The following CCDC146 variants were observed in gnomAD, a reference collection of about 807,000 sequenced individuals.
CCDC146 encodes coiled-coil domain containing 146.
A neutral mutation model predicts 119.3 loss-of-function variants in CCDC146; 92 were observed. The ratio of observed to expected loss-of-function variants is 0.77; its 90% confidence interval spans 0.65 to 0.92. CCDC146 has a LOEUF of 0.92. Among genes scored for constraint, CCDC146 ranks in the 40% least tolerant of loss-of-function variants. The pLI, the probability that CCDC146 is intolerant of heterozygous loss-of-function variation, is 0.00. For missense variants in CCDC146, 1,000 were observed against 1,103.0 expected, an observed-to-expected ratio of 0.91 and a Z score of 1.32; for synonymous variants, 372 against 371.8, an observed-to-expected ratio of 1.00 and a Z score of -0.01.
chr7:77,229,883 C>CT lies in CCDC146; in HGVS notation c.157-7064_157-7063insT, dbSNP rs1297607091. Among the ~76,000 whole-genome samples, 522 of 152,228 alleles carry CT rather than the reference C, an allele frequency of 3.4e-3. 3 individuals carry two copies. The highest frequency in any genetic ancestry group is 0.012 in the African/African-American group (499 of 41,536). On this transcript the variant is annotated intron_variant, in intron 2 of 18. Coordinates refer to ENST00000285871, the MANE Select transcript of CCDC146 (RefSeq NM_020879.3). The stretch of plus-strand genomic sequence containing the variant: ...TAGTATATATACAGAGTTGTATAAT[C>CT]ATGGCATAATTGTAGAATATTTCCG...
chr7:77,267,828 A>G (rs1793436619), intron 9 of CCDC146, among the ~76,000 whole-genome samples: 1 of 152,056 alleles, frequency 6.6e-6, no homozygotes, highest in Non-Finnish European at 1.5e-5. Context: ...AATTATATAA[A>G]TCTCCTCTCA....
At chr7:77,252,765 A>G (rs1260256392) in intron 4 of CCDC146, among the ~76,000 whole-genome samples, 1 of 152,258 alleles carries the variant, frequency 6.6e-6, no homozygotes, top group African/African-American at 2.4e-5. Context: ...TCTCAGCAGA[A>G]GAACTCAATG....
chr7:77,228,146 CT>C (rs1420825967), intron 2 of CCDC146, among the ~76,000 whole-genome samples: 1 of 152,168 alleles, frequency 6.6e-6, no homozygotes, highest in Non-Finnish European at 1.5e-5. Context: ...GGCATTATTT[CT>C]AGACCATTAT....
chr7:77,165,394 ACATGAGCAG>A (rs1791324767), intron 1 of CCDC146, among the ~76,000 whole-genome samples: 1 of 152,032 alleles, frequency 6.6e-6, no homozygotes, highest in Admixed American at 6.5e-5. Context: ...TTGAACATTC[ACATGAGCAG>A]CACAGATAGG....
chr7:77,173,080 C>G (rs985121632), intron 2 of CCDC146, among the ~76,000 whole-genome samples: 1 of 151,982 alleles, frequency 6.6e-6, no homozygotes, highest in Non-Finnish European at 1.5e-5. Context: ...ACACCAGGGC[C>G]TGTTTGGGGG....
chr7:77,165,529 G>T (rs1221539415), intron 1 of CCDC146, among the ~76,000 whole-genome samples: 1 of 152,070 alleles, frequency 6.6e-6, no homozygotes, highest in Non-Finnish European at 1.5e-5. Context: ...GGGCAGTTTG[G>T]GGTATCACAG....
At chr7:77,148,007 G>T (rs1562815635) in intron 1 of CCDC146, among the ~76,000 whole-genome samples, 1 of 152,222 alleles carries the variant, frequency 6.6e-6, no homozygotes, top group African/African-American at 2.4e-5. Context: ...TGCCCCTAGA[G>T]GTGGAGCCTA....
At chr7:77,285,291 C>T (rs972720617) in intron 15 of CCDC146, among the ~76,000 whole-genome samples, 10 of 152,054 alleles carry the variant, frequency 6.6e-5, no homozygotes, top group Admixed American at 6.6e-4. Flanking sequence ...TATTTAGTTT[C>T]CTAATTAAGA....
chr7:77,224,110 T>C (rs1315837050), intron 2 of CCDC146, among the ~76,000 whole-genome samples: 1 of 152,234 alleles, frequency 6.6e-6, no homozygotes, highest in Non-Finnish European at 1.5e-5. Flanking sequence ...AGTTTTCTGT[T>C]GCTGCCATAA....
chr7:77,196,568 C>A lies in CCDC146; in HGVS notation c.156+28744C>A, dbSNP rs569344238. ...ATCGTGGTTGTAATGTTTGTTGAAA[C>A]GTAATGCATCTCCAGCTGTGCCATT... On this transcript the variant is annotated intron_variant, in intron 2 of 18. Transcript: ENST00000285871. The surrounding 1 kb of genome is among the most constrained non-coding windows in gnomAD (Gnocchi z 4.2). 3 of 1,614,116 alleles carry A rather than the reference C, an allele frequency of 1.9e-6. No homozygotes were observed. The highest frequency in any genetic ancestry group is 1.1e-5 in the South Asian group (1 of 91,088).
At chr7:77,294,457 G>GAGGT (rs892404997) in intron 18 of CCDC146, among the ~76,000 whole-genome samples, 5 of 136,096 alleles carry the variant, frequency 3.7e-5, no homozygotes, top group African/African-American at 1.4e-4. Context: ...ATGCCAATGA[G>GAGGT]AGGTAGGTGT....
chr7:77,154,477 C>G (rs1245541318), intron 1 of CCDC146, among the ~76,000 whole-genome samples: 2 of 147,792 alleles, frequency 1.4e-5, no homozygotes, highest in East Asian at 4.0e-4. Flanking sequence ...CATGACAGGC[C>G]CCGGTGTGTG....
intron 2 of CCDC146, among the ~76,000 whole-genome samples, chr7:77,231,666 A>G (rs1792630618): frequency 1.3e-5 from 2 of 151,862 alleles, no homozygotes; most frequent in Non-Finnish European, 2.9e-5. Context: ...CTTACTGACA[A>G]TCTCTATTTG....
At chr7:77,283,203 T>C (rs1028776905) in intron 15 of CCDC146, among the ~76,000 whole-genome samples, 46 of 152,334 alleles carry the variant, frequency 3.0e-4, no homozygotes, top group African/African-American at 1.0e-3. Context: ...GTCTGGAGAT[T>C]GTTGCTTATT....
intron 14 of CCDC146, among the ~76,000 whole-genome samples, chr7:77,280,997 G>A (rs1301920282): frequency 6.6e-6 from 1 of 152,040 alleles, no homozygotes. Flanking sequence ...CAGCTACTTG[G>A]GAAGCTGCAG....
chr7:77,208,193 G>T (rs966605570), intron 2 of CCDC146, among the ~76,000 whole-genome samples: 2 of 152,224 alleles, frequency 1.3e-5, no homozygotes, highest in South Asian at 2.1e-4. Flanking sequence ...ACTCCAAAAT[G>T]GACACTTTTA....
chr7:77,256,324 CT>C lies in CCDC146; in HGVS notation c.508-5del. ...CTATATAACCTAATCATCTTCACGA[CT>C]TTTAAAGGAAATGGAGAAGAAGATG... On this transcript the variant is annotated splice_polypyrimidine_tract_variant and splice_region_variant and intron_variant, in intron 5 of 18. Transcript: ENST00000285871. The C allele has an allele frequency of 6.3e-7, 1 of 1,581,534 alleles. No homozygotes were observed. Among genetic ancestry groups the C allele is most frequent in the East Asian group, 2.2e-5 (1 of 44,522 alleles).
chr7:77,233,700 T>C (rs1384041085), intron 2 of CCDC146, among the ~76,000 whole-genome samples: 2 of 152,170 alleles, frequency 1.3e-5, no homozygotes, highest in Non-Finnish European at 2.9e-5. Context: ...CCTATGAGAA[T>C]CTAATGCCAC....
intron 2 of CCDC146, among the ~76,000 whole-genome samples, chr7:77,228,254 C>T (rs1385877225): frequency 1.3e-5 from 2 of 152,116 alleles, no homozygotes; most frequent in Admixed American, 6.6e-5. Context: ...ATTTCATCAC[C>T]CAGGTATTAA....
Sources: allele counts gnomAD v4.1 joint callset (sites outside exome capture counted in the v4.1 genomes callset), GRCh38; gene constraint gnomAD v4.1.1; non-coding constraint Gnocchi (gnomAD v3.1); transcripts MANE v1.5; gene names NCBI Gene and HGNC (gene_info 2026-07-23, HGNC 2026-07-21).